Variants in ADGRV1 observed in about 807,000 individuals in gnomAD.
The protein encoded by ADGRV1 is G-protein coupled receptor 98.
ADGRV1 carries 359 observed loss-of-function variants against 596.2 expected under a neutral mutation model. The ratio of observed to expected loss-of-function variants is 0.60; its 90% CI spans 0.55 to 0.66. ADGRV1 has a LOEUF of 0.66. ADGRV1 is among the 30% of genes least tolerant of loss of function. The pLI is 0.00. For missense variants in ADGRV1, 7,274 were observed against 7,575.6 expected, an observed-to-expected ratio of 0.96 and a Z score of 1.48; for synonymous variants, 2,681 against 2,679.2, an observed-to-expected ratio of 1.00 and a Z score of -0.02.
At chr5:91,156,534 C>T (rs1057226119) in intron 89 of ADGRV1, among the ~76,000 whole-genome samples, 8 of 151,996 alleles carry the variant, frequency 5.3e-5, no homozygotes, top group Non-Finnish European at 1.2e-4. Flanking sequence ...GTTATGACAC[C>T]GGAAACATAA....
At chr5:91,159,597 A>G (rs558552659) in intron 89 of ADGRV1, among the ~76,000 whole-genome samples, 38 of 152,370 alleles carry the variant, frequency 2.5e-4, no homozygotes, top group Non-Finnish European at 5.3e-4. Flanking sequence ...CTCAAAAAAG[A>G]TGACATAATG....
At chr5:90,987,462 TC>T (rs1458569769) in intron 85 of ADGRV1, among the ~76,000 whole-genome samples, 1 of 121,838 alleles carries the variant, frequency 8.2e-6, no homozygotes, top group African/African-American at 3.4e-5. Flanking sequence ...AGAACAAGAC[TC>T]TGACTCAAAA....
intron 84 of ADGRV1, among the ~76,000 whole-genome samples, chr5:90,970,298 G>T (rs1171669621): frequency 6.6e-6 from 1 of 152,182 alleles, no homozygotes; most frequent in East Asian, 1.9e-4. Context: ...ACCTCTGGGG[G>T]CAGGGCATAG....
At chr5:90,566,629 A>G (rs184059585) in intron 1 of ADGRV1, among the ~76,000 whole-genome samples, 1 of 152,166 alleles carries the variant, frequency 6.6e-6, no homozygotes, top group Non-Finnish European at 1.5e-5. Flanking sequence ...TTATTTTTGA[A>G]TTCTTCATTA....
chr5:90,833,757 C>T (rs148156798), intron 77 of ADGRV1, among the ~76,000 whole-genome samples: 22 of 152,182 alleles, frequency 1.4e-4, no homozygotes, highest in African/African-American at 4.8e-4. Context: ...AATACTGCAA[C>T]TTTACTAAAT....
chr5:90,743,805 T>C (rs1164984541), intron 50 of ADGRV1, among the ~76,000 whole-genome samples: 2 of 152,044 alleles, frequency 1.3e-5, no homozygotes, highest in African/African-American at 4.8e-5. Flanking sequence ...TGTGTTTATC[T>C]AGGTACTGGA....
intron 11 of ADGRV1, among the ~76,000 whole-genome samples, chr5:90,638,303 G>A (rs1311870767): frequency 2.0e-5 from 3 of 151,868 alleles, no homozygotes; most frequent in Admixed American, 2.0e-4. Flanking sequence ...AGTTCTGCTG[G>A]CTTTATGTTC....
At chr5:90,777,409 G>A (rs1256742286) in intron 61 of ADGRV1, among the ~76,000 whole-genome samples, 2 of 152,098 alleles carry the variant, frequency 1.3e-5, no homozygotes, top group African/African-American at 4.8e-5. Context: ...ATGATCATAG[G>A]CAAGTTTGTT....
chr5:91,060,609 T>C (rs978059421), intron 85 of ADGRV1, among the ~76,000 whole-genome samples: 5 of 152,120 alleles, frequency 3.3e-5, no homozygotes, highest in African/African-American at 4.8e-5. Context: ...TGCAAAGAAA[T>C]GTATAGTGTA....
intron 86 of ADGRV1, among the ~76,000 whole-genome samples, chr5:91,097,539 T>G (rs920548560): frequency 1.3e-5 from 2 of 152,244 alleles, no homozygotes; most frequent in Non-Finnish European, 2.9e-5. Context: ...AATATTGGTG[T>G]GCAAATATCC....
At chr5:90,789,647 T>C (rs770091234) in intron 68 of ADGRV1, 55 bp from the exon 69 acceptor site, 2 of 1,104,476 alleles carry the variant, frequency 1.8e-6, no homozygotes, top group Admixed American at 4.4e-5. Flanking sequence ...TTGGATACTA[T>C]AATTTCATCC....
chr5:90,717,652 C>T (rs990310759), intron 43 of ADGRV1: 4 of 152,092 alleles, frequency 2.6e-5, no homozygotes, highest in Non-Finnish European at 5.9e-5. Flanking sequence ...ACTACAGGCG[C>T]CCACCATCAT....
intron 83 of ADGRV1, among the ~76,000 whole-genome samples, chr5:90,952,409 T>C (rs1777130598): frequency 6.6e-6 from 1 of 152,198 alleles, no homozygotes; most frequent in Admixed American, 6.5e-5. Context: ...TTATTTCTAC[T>C]TGCTGTTCAA....
At chr5:91,060,715 T>C (rs1787350829) in intron 85 of ADGRV1, among the ~76,000 whole-genome samples, 2 of 152,224 alleles carry the variant, frequency 1.3e-5, no homozygotes, top group South Asian at 4.1e-4. Flanking sequence ...CAAATGTTAA[T>C]GTGACTAAAG....
chr5:90,838,356 G>A (rs1446619942), intron 77 of ADGRV1, among the ~76,000 whole-genome samples: 1 of 151,206 alleles, frequency 6.6e-6, no homozygotes, highest in Non-Finnish European at 1.5e-5. Flanking sequence ...TACCTCACTT[G>A]GAGCTCCTTC....
At chr5:90,687,058 G>T (rs534489225) in intron 29 of ADGRV1, among the ~76,000 whole-genome samples, 2,342 of 151,940 alleles carry the variant, frequency 0.015, 49 homozygotes, top group African/African-American at 0.053. Context: ...TTTTTGATGG[G>T]GTTGTTTTTT....
At chr5:90,935,181 A>G (rs1358960433) in intron 83 of ADGRV1, among the ~76,000 whole-genome samples, 1 of 152,240 alleles carries the variant, frequency 6.6e-6, no homozygotes, top group African/African-American at 2.4e-5. Flanking sequence ...AAGCATATTC[A>G]CCTAGACAAG....
In ADGRV1 at chr5:90,683,661, G is replaced by C; in HGVS notation, c.5740G>C (p.Ala1914Pro). The C allele has an allele frequency of 6.2e-7, 1 of 1,613,486 alleles. No individual in the cohort carries two copies. The highest frequency in any genetic ancestry group is 8.5e-7 in the Non-Finnish European group (1 of 1,179,610). ...AGACTCTGATCCTGATGGTGATCTC[G>C]CCTTCACCTCTGGCAACATCACATT... ...NIDSDPDGDLAFTSGNITFEI... is the reference protein window; with the variant it reads ...NIDSDPDGDLPFTSGNITFEI... The change falls in exon 28 of 90, where the codon GCC becomes CCC. Residue 1914 changes from alanine to proline, a missense_variant. Transcript: ENST00000405460.
chr5:91,071,347 G>T (rs1345610256), intron 85 of ADGRV1, among the ~76,000 whole-genome samples: 1 of 152,046 alleles, frequency 6.6e-6, no homozygotes, highest in Non-Finnish European at 1.5e-5. Flanking sequence ...CTTCTTTTGA[G>T]GTTAAATAGA....
Sources: allele counts gnomAD v4.1 joint callset (sites outside exome capture counted in the v4.1 genomes callset), GRCh38; gene constraint gnomAD v4.1.1; transcripts MANE v1.5; gene names NCBI Gene and HGNC (gene_info 2026-07-23, HGNC 2026-07-21).